MFAP3L: variants seen among roughly 807,000 people sequenced by gnomAD.
The protein encoded by MFAP3L is microfibril associated protein 3 like, also known as microfibrillar-associated protein 3-like.
Under a neutral mutation model 20.0 loss-of-function variants are expected in MFAP3L, and 5 were observed. That is an observed-to-expected ratio of 0.25 (90% CI 0.13 to 0.53). MFAP3L has a LOEUF of 0.53. Ranked by LOEUF, MFAP3L falls within the 20% of genes least tolerant of loss-of-function variation. The pLI is 0.96. For synonymous variants in MFAP3L, 219 were observed against 213.0 expected, an observed-to-expected ratio of 1.03 and a Z score of -0.25; for missense variants, 409 against 527.5, an observed-to-expected ratio of 0.78 and a Z score of 2.20.
rs201918347 is a variant in MFAP3L, at chr4:170,005,870, C to A, written c.8G>T (p.Arg3Leu). The A allele has an allele frequency of 1.9e-6, 3 of 1,613,044 alleles. No homozygotes were observed. The highest frequency in any genetic ancestry group is 2.5e-6 in the Non-Finnish European group (3 of 1,179,284). Residue 3 changes from arginine to leucine, a missense_variant, in exon 2 of 3, where the codon CGA becomes CTA. Around this residue, in one of 3 missense-constraint regions of MFAP3L, gnomAD observed 113 missense variants for 131.1 expected, o/e 0.86. Transcript: ENST00000361618. ...GCACACAGTCAGATGGCTCTTCAAT[C>A]GATCCATCTTCTTTGCTTGCTCTGT... MD[R>L]LKSHLTVCFL...
chr4:169,992,288 C>T lies in MFAP3L; in HGVS notation c.320G>A (p.Ser107Asn). Residue 107 changes from serine to asparagine, a missense_variant, in exon 3 of 3, where the codon AGC (serine) becomes AAC (asparagine). Ser to Asn is a conservative substitution (Grantham distance 46, BLOSUM62 1). Around this residue, in one of 3 missense-constraint regions of MFAP3L, gnomAD observed 113 missense variants for 131.1 expected, o/e 0.86. Transcript: ENST00000361618. This position sits in a 1 kb window ranked among gnomAD's most constrained non-coding sequence, Gnocchi z 4.3. ...TACCTTGGTGATGTTCAGGAGGCCG[C>T]TGTCGTGCATTTGCCATTTTCCTGT... ...RGGGKWQMHDSGLLNITKVSF... is the reference protein window; with the variant it reads ...RGGGKWQMHDNGLLNITKVSF... 1 of 1,610,178 alleles carries T rather than the reference C, an allele frequency of 6.2e-7. No homozygotes were observed. Among genetic ancestry groups the T allele is most frequent in the East Asian group, 2.2e-5 (1 of 44,778 alleles).
In MFAP3L at chr4:170,005,982, G is replaced by C; in HGVS notation, c.-105C>G. The C allele has an allele frequency of 6.8e-7, 1 of 1,463,680 alleles. No homozygotes were observed. Among genetic ancestry groups the C allele is most frequent in the Non-Finnish European group, 9.0e-7 (1 of 1,109,486 alleles). 90.7% of individuals were successfully genotyped at this position (1,463,680 alleles called of 1,614,324 possible). A position where few individuals can be genotyped will look rare whatever the true frequency, so the allele number is the denominator to read the frequency against. The stretch of plus-strand genomic sequence containing the variant: ...AGGTCATGGGACAAACCTGTCCTGG[G>C]TCCATAGAGTTGGTACTTGAGCAAG... On this transcript the variant is annotated 5_prime_UTR_variant, in exon 2 of 3. Transcript: ENST00000361618.
At position 169,988,317 on chromosome 4, in the gene MFAP3L, A is replaced by C. The variant is rs1737416477; in HGVS notation, c.*3061T>G. ...TAAAATTGTTTTCCCCATTTAGAAT[A>C]AATACCATCCAAGTTTACAGATCAT... On this transcript the variant is annotated 3_prime_UTR_variant, in exon 3 of 3. Transcript: ENST00000361618. The C allele has an allele frequency of 6.6e-6, 1 of 152,152 alleles. No homozygotes were observed. The highest frequency in any genetic ancestry group is 1.5e-5 in the Non-Finnish European group (1 of 68,034). 9.4% of individuals were successfully genotyped at this position (152,152 alleles called of 1,614,324 possible).
intron 2 of MFAP3L, among the ~76,000 whole-genome samples, chr4:170,000,177 C>T (rs985017221): frequency 6.6e-6 from 1 of 152,166 alleles, no homozygotes; most frequent in Non-Finnish European, 1.5e-5. Context: ...ATCAAAGGAC[C>T]CTTTGTATGC....
intron 2 of MFAP3L, among the ~76,000 whole-genome samples, chr4:169,999,293 A>C (rs1400610325): frequency 1.3e-5 from 2 of 152,194 alleles, no homozygotes; most frequent in Non-Finnish European, 2.9e-5. Context: ...GGGCTTAGCC[A>C]AGCTTTCAAC....
intron 2 of MFAP3L, among the ~76,000 whole-genome samples, chr4:170,000,079 G>C (rs1008347113): frequency 2.0e-5 from 3 of 152,144 alleles, no homozygotes; most frequent in Admixed American, 6.5e-5. Context: ...AGAACCACGG[G>C]GTTAGGCAAA....
intron 2 of MFAP3L, among the ~76,000 whole-genome samples, chr4:170,002,661 C>T (rs545016103): frequency 3.9e-5 from 6 of 151,970 alleles, no homozygotes; most frequent in Non-Finnish European, 5.9e-5. Flanking sequence ...AGATATGCAC[C>T]GCCACGCCCA....
chr4:169,992,994 T>G lies in MFAP3L; in HGVS notation c.299-685A>C, dbSNP rs548271971. ...TGGATATGAATTAATATCAATTTGT[T>G]TTAGCCTTGCAAATAAATTACAGAC... On this transcript the variant is annotated intron_variant, in intron 2 of 2. Coordinates refer to ENST00000361618, the MANE Select transcript of MFAP3L (RefSeq NM_021647.8). The surrounding 1 kb of genome is among the most constrained non-coding windows in gnomAD (Gnocchi z 4.3). 5.9e-5 allele frequency among the ~76,000 whole-genome samples: 9 copies of G among 152,332 alleles called. No individual in the cohort carries two copies. The highest frequency in any genetic ancestry group is 1.3e-4 in the Admixed American group (2 of 15,300).
intron 1 of MFAP3L, among the ~76,000 whole-genome samples, chr4:170,019,396 T>A (rs1739891446): frequency 6.6e-6 from 1 of 151,926 alleles, no homozygotes; most frequent in Non-Finnish European, 1.5e-5. Context: ...AAAAATTAAT[T>A]AGCTGAGCAT....
In MFAP3L at chr4:169,992,582, A is replaced by G. The variant is rs1581444904; in HGVS notation, c.299-273T>C. Among the ~76,000 whole-genome samples the G allele has an allele frequency of 6.6e-6, 1 of 152,218 alleles. No homozygotes were observed. Among genetic ancestry groups the G allele is most frequent in the Admixed American group, 6.5e-5 (1 of 15,282 alleles). On this transcript the variant is annotated intron_variant, in intron 2 of 2. Coordinates refer to ENST00000361618, the MANE Select transcript of MFAP3L (RefSeq NM_021647.8). The surrounding 1 kb of genome is among the most constrained non-coding windows in gnomAD (Gnocchi z 4.3). The stretch of plus-strand genomic sequence containing the variant: ...CAGGTTAGACAACACTCCCAAGGGC[A>G]CCGGCTTGGAAGCCGTAGAACTGAA...
rs1420956672 is a variant in MFAP3L at position 169,990,272 on chromosome 4, C to A, written c.*1106G>T. ...AGTTTTGGCATAAAATCTGATGGCA[C>A]AGTTCCCTTTGCTATTACCCTAACC... On this transcript the variant is annotated 3_prime_UTR_variant, in exon 3 of 3. Coordinates refer to ENST00000361618, the MANE Select transcript of MFAP3L (RefSeq NM_021647.8). The A allele has an allele frequency of 6.6e-6, 1 of 152,240 alleles. No homozygotes were observed. Among genetic ancestry groups the A allele is most frequent in the African/African-American group, 2.4e-5 (1 of 41,462 alleles). The allele number at this position is 152,240 out of a possible 1,614,324, so 9.4% of individuals were successfully genotyped here.
In MFAP3L at chr4:170,023,572, A is replaced by G. The variant is rs141943707; in HGVS notation, c.-134+2662T>C. On this transcript the variant is annotated intron_variant, in intron 1 of 2. Coordinates refer to ENST00000361618, the MANE Select transcript of MFAP3L (RefSeq NM_021647.8). ...CATTTTAAGGCCATTTCTAACCGCA[A>G]TGTGATATGCCATAGATTGAAAACA... Among the ~76,000 whole-genome samples, 40 of 152,324 alleles carry G rather than the reference A, an allele frequency of 2.6e-4. No individual in the cohort carries two copies. In the East Asian group the frequency reaches 5.8e-3, roughly 22 times the overall value.
chr4:170,001,414 A>C (rs1738609017), intron 2 of MFAP3L, among the ~76,000 whole-genome samples: 1 of 152,262 alleles, frequency 6.6e-6, no homozygotes, highest in Non-Finnish European at 1.5e-5. Flanking sequence ...AGACACTACA[A>C]GAGCACAGAA....
chr4:170,006,368 C>T (rs1739036625), intron 1 of MFAP3L, among the ~76,000 whole-genome samples: 1 of 152,156 alleles, frequency 6.6e-6, no homozygotes, highest in Non-Finnish European at 1.5e-5. Context: ...CCACCTCGGC[C>T]TCTCAAAGTG....
rs771390953 is a variant in MFAP3L at position 169,991,418 on chromosome 4, T to G, written c.1190A>C (p.His397Pro). 6.2e-7 allele frequency: 1 copy of G among 1,614,164 alleles called. No individual in the cohort carries two copies. Among genetic ancestry groups the G allele is most frequent in the South Asian group, 1.1e-5 (1 of 91,076 alleles). Residue 397 changes from histidine (H) to proline (P), a missense_variant, in exon 3 of 3, where the codon CAT (histidine) becomes CCT (proline). Around this residue, in one of 3 missense-constraint regions of MFAP3L, gnomAD observed 169 missense variants for 178.2 expected, o/e 0.95. Coordinates refer to ENST00000361618, the MANE Select transcript of MFAP3L (RefSeq NM_021647.8). The surrounding 1 kb of genome is among the most constrained non-coding windows in gnomAD (Gnocchi z 4.9). ...GTAAATAATGCAGGTGTTTTTGTCA[T>G]GTGTCACTGCTGGCTCTGTGGCTTC... is the stretch of plus-strand genomic sequence containing the variant. ...YLEATEPAVT[H>P]DKNTCIIYES...
chr4:169,999,556 A>G (rs922226112), intron 2 of MFAP3L, among the ~76,000 whole-genome samples: 18 of 152,176 alleles, frequency 1.2e-4, no homozygotes, highest in African/African-American at 4.1e-4. Context: ...GTGGTCCTCC[A>G]AAATAACAGC....
chr4:170,014,874 TG>T (rs1739601991), intron 1 of MFAP3L, among the ~76,000 whole-genome samples: 1 of 152,178 alleles, frequency 6.6e-6, no homozygotes, highest in Admixed American at 6.5e-5. Context: ...AATTATTTTG[TG>T]GTGGGACAGC....
intron 2 of MFAP3L, among the ~76,000 whole-genome samples, chr4:169,994,002 A>G (rs995519136): frequency 6.6e-5 from 10 of 152,194 alleles, no homozygotes; most frequent in African/African-American, 1.9e-4. Flanking sequence ...GATTTTTTCA[A>G]ATATACAATG....
In MFAP3L at chr4:169,991,824, C is replaced by G. The variant is rs745656390; in HGVS notation, c.784G>C (p.Gly262Arg). The stretch of plus-strand genomic sequence containing the variant: ...AAATTCTGCCCCTGCTCCTCCAGCC[C>G]AACCACCTCCATAATCTCCTCCATG... ...TIMEEIMEVV[G>R]LEEQGQNFVR... The change falls in exon 3 of 3, where the codon GGG becomes CGG. Residue 262 changes from glycine to arginine, a missense_variant. Transcript: ENST00000361618. The surrounding 1 kb of genome is among the most constrained non-coding windows in gnomAD (Gnocchi z 4.9). The G allele has an allele frequency of 3.7e-6, 6 of 1,614,056 alleles. No homozygotes were observed. The highest frequency in any genetic ancestry group is 1.3e-5 in the African/African-American group (1 of 74,916).
Sources: allele counts gnomAD v4.1 joint callset (sites outside exome capture counted in the v4.1 genomes callset), GRCh38; gene constraint gnomAD v4.1.1; regional missense constraint gnomAD v4.1.1; non-coding constraint Gnocchi (gnomAD v3.1); transcripts MANE v1.5; gene names NCBI Gene and HGNC (gene_info 2026-07-23, HGNC 2026-07-21).